The following CDH18 variants were observed in gnomAD, a reference collection of about 807,000 sequenced individuals.
CDH18 encodes the protein cadherin 18.
CDH18 carries 31 observed loss-of-function variants against 67.9 expected under a neutral mutation model. That is an observed-to-expected ratio of 0.46 (90% CI 0.34 to 0.62). CDH18 has a LOEUF of 0.62. Among genes scored for constraint, CDH18 ranks in the 20% least tolerant of loss-of-function variants. The pLI is 0.01. For synonymous variants in CDH18, 362 were observed against 347.2 expected (o/e 1.04, Z -0.48); for missense variants, 890 against 975.5 (o/e 0.91, Z 1.17).
At chr5:20,552,612 A>T (rs889218565) in intron 1 of CDH18, among the ~76,000 whole-genome samples, 1 of 152,216 alleles carries the variant, frequency 6.6e-6, no homozygotes, top group Non-Finnish European at 1.5e-5. Context: ...AAATACTTCA[A>T]AAAAGTTATA....
chr5:19,984,225 A>G (rs965404301), intron 1 of CDH18, among the ~76,000 whole-genome samples: 5 of 152,036 alleles, frequency 3.3e-5, no homozygotes, highest in Admixed American at 3.3e-4. Flanking sequence ...AAAAATATAT[A>G]ATTTTAGTTG....
At chr5:20,466,079 T>C (rs1441173967) in intron 1 of CDH18, among the ~76,000 whole-genome samples, 2 of 152,090 alleles carry the variant, frequency 1.3e-5, no homozygotes, top group Admixed American at 1.3e-4. Flanking sequence ...ATTACTGCCC[T>C]TGAAAAGTCT....
At chr5:20,177,058 C>T (rs115348780) in intron 2 of CDH18, among the ~76,000 whole-genome samples, 5,227 of 151,948 alleles carry the variant, frequency 0.034, 308 homozygotes, top group African/African-American at 0.12. Flanking sequence ...GGTTTCTCTC[C>T]ATTTCTTATT....
chr5:20,408,126 A>G (rs950308356), intron 1 of CDH18, among the ~76,000 whole-genome samples: 14 of 152,106 alleles, frequency 9.2e-5, no homozygotes, highest in Non-Finnish European at 1.8e-4. Flanking sequence ...AAAGAAAAAA[A>G]CTACCAGCCA....
At chr5:19,501,000 G>A (rs766196547) in intron 11 of CDH18, among the ~76,000 whole-genome samples, 99 of 151,516 alleles carry the variant, frequency 6.5e-4, no homozygotes, top group Non-Finnish European at 1.1e-3. Context: ...AGGCGTGGTG[G>A]TGGGCGCCTG....
Position 20,503,475 on chromosome 5 carries a change from T to A in CDH18, c.-580+71987A>T, listed in dbSNP as rs192200514. Among the ~76,000 whole-genome samples, 551 of 152,212 alleles carry A rather than the reference T, an allele frequency of 3.6e-3. 2 individuals carry two copies. Among genetic ancestry groups the A allele is most frequent in the African/African-American group, 0.013 (520 of 41,532 alleles). On this transcript the variant is annotated intron_variant, in intron 1 of 14. Coordinates refer to the CDH18 transcript ENST00000507958. Reference sequence around the variant, plus strand: ...ATCAGTCACAGAGTTAATCATTGAGTTGATATCATTCTCATTTTTCCAGAG... The same window carrying A: ...ATCAGTCACAGAGTTAATCATTGAGATGATATCATTCTCATTTTTCCAGAG...
intron 8 of CDH18, among the ~76,000 whole-genome samples, chr5:19,548,811 C>T (rs1056994124): frequency 6.7e-5 from 10 of 148,500 alleles, no homozygotes; most frequent in African/African-American, 2.5e-4. Context: ...AGTGCAATGG[C>T]ACAATCTCAG....
chr5:20,332,447 C>T (rs115143942), intron 1 of CDH18, among the ~76,000 whole-genome samples: 33 of 152,204 alleles, frequency 2.2e-4, no homozygotes, highest in Admixed American at 3.9e-4. Flanking sequence ...TCCTGGTGAA[C>T]GCTTAAGTCT....
At chr5:19,788,954 G>A (rs1776090009) in intron 3 of CDH18, among the ~76,000 whole-genome samples, 1 of 152,128 alleles carries the variant, frequency 6.6e-6, no homozygotes, top group Non-Finnish European at 1.5e-5. Context: ...TGTTTTTGGG[G>A]TGTCAGTAAA....
intron 2 of CDH18, among the ~76,000 whole-genome samples, chr5:20,063,377 C>A (rs1001014760): frequency 1.3e-5 from 2 of 151,898 alleles, no homozygotes; most frequent in East Asian, 3.9e-4. Flanking sequence ...CTCTGCATTT[C>A]AAGAATTAAC....
intron 2 of CDH18, among the ~76,000 whole-genome samples, chr5:20,137,662 G>A (rs1366985157): frequency 2.0e-5 from 3 of 151,998 alleles, no homozygotes; most frequent in Non-Finnish European, 2.9e-5. Flanking sequence ...AGGAGAAGAG[G>A]CACTCTGATT....
chr5:20,200,993 A>C lies in CDH18; in HGVS notation c.-518+54451T>G, dbSNP rs77196071. 5.7e-3 allele frequency among the ~76,000 whole-genome samples: 863 copies of C among 152,214 alleles called. 10 individuals carry two copies. The highest frequency in any genetic ancestry group is 0.02 in the African/African-American group (826 of 41,514). On this transcript the variant is annotated intron_variant, in intron 2 of 14. Transcript: ENST00000507958. Reference sequence around the variant, plus strand: ...TGTAATCTAATTGTATTATCTTCTTAAGGTTACTGTAAGAAAGTATCACAG... The same window carrying C: ...TGTAATCTAATTGTATTATCTTCTTCAGGTTACTGTAAGAAAGTATCACAG...
At chr5:19,815,632 G>A (rs1779212953) in intron 3 of CDH18, among the ~76,000 whole-genome samples, 1 of 151,896 alleles carries the variant, frequency 6.6e-6, no homozygotes. Context: ...TAGTGATGAT[G>A]AGAGACGTAT....
At chr5:19,779,352 T>C (rs17221654) in intron 3 of CDH18, among the ~76,000 whole-genome samples, 3,184 of 152,304 alleles carry the variant, frequency 0.021, 52 homozygotes, top group Middle Eastern at 0.037. Flanking sequence ...AGAAACCTAA[T>C]AGTGGAGACA....
At chr5:20,090,184 AT>A (rs1352758590) in intron 2 of CDH18, among the ~76,000 whole-genome samples, 2 of 152,164 alleles carry the variant, frequency 1.3e-5, no homozygotes, top group African/African-American at 2.4e-5. Context: ...AACTATTTGC[AT>A]TTTTTAATGG....
At chr5:20,213,964 A>G (rs1740559629) in intron 2 of CDH18, among the ~76,000 whole-genome samples, 1 of 152,006 alleles carries the variant, frequency 6.6e-6, no homozygotes, top group Non-Finnish European at 1.5e-5. Context: ...TCCTATATCT[A>G]GAAAACCTCA....
At chr5:20,026,168 A>T (rs1459001793) in intron 2 of CDH18, among the ~76,000 whole-genome samples, 2 of 152,156 alleles carry the variant, frequency 1.3e-5, no homozygotes, top group Non-Finnish European at 2.9e-5. Flanking sequence ...TGCCGTAAGA[A>T]CACATTGCCT....
At chr5:19,956,559 T>C (rs1053413062) in intron 2 of CDH18, among the ~76,000 whole-genome samples, 1 of 151,890 alleles carries the variant, frequency 6.6e-6, no homozygotes, top group Admixed American at 6.6e-5. Context: ...ATAATTTACA[T>C]TCAATACTGA....
intron 1 of CDH18, among the ~76,000 whole-genome samples, chr5:20,335,403 G>GTTGTTA (rs1345748206): frequency 6.6e-6 from 1 of 151,698 alleles, no homozygotes; most frequent in African/African-American, 2.4e-5. Context: ...TTATTGTATT[G>GTTGTTA]TTGTTATTGT....
Sources: gnomAD v4.1 joint callset for allele counts (sites outside exome capture counted in the v4.1 genomes callset) on GRCh38, gnomAD v4.1.1 for gene constraint, MANE v1.5 for transcripts, NCBI Gene and HGNC (gene_info 2026-07-23, HGNC 2026-07-21) for gene names.